HYDIN: variants seen among roughly 807,000 people sequenced by gnomAD.
HYDIN encodes the protein axonemal central pair apparatus protein HYDIN.
A neutral mutation model predicts 403.9 loss-of-function variants in HYDIN; 132 were observed. That is an observed-to-expected ratio of 0.33 (90% CI 0.28 to 0.38). The LOEUF is 0.38. Among genes scored for constraint, HYDIN ranks in the 10% least tolerant of loss-of-function variants. The pLI is 1.00. For synonymous variants in HYDIN, 1,202 were observed against 1,891.7 expected (o/e 0.64, Z 9.46); for missense variants, 2,827 against 5,009.5 (o/e 0.56, Z 13.15).
rs1567900110 is a variant in HYDIN, at chr16:70,955,443, C to T, written c.6248G>A (p.Gly2083Glu). 1.9e-6 allele frequency: 3 copies of T among 1,614,060 alleles called. No individual in the cohort carries two copies. Among genetic ancestry groups the T allele is most frequent in the Non-Finnish European group, 2.5e-6 (3 of 1,179,992 alleles). Residue 2083 changes from glycine to glutamate, a missense_variant, in exon 40 of 86, where the codon GGG (glycine) becomes GAG (glutamate). Transcript: ENST00000393567. ...GATGCAGAGCTCACGGGCCCGGATCCCTGGGATGTTGTTGCTGTTGGCCAC... is the reference window on the plus strand; with the variant it reads ...GATGCAGAGCTCACGGGCCCGGATCTCTGGGATGTTGTTGCTGTTGGCCAC... ...EAVANSNNIP[G>E]IRARELCIRA...
At position 70,850,569 on chromosome 16, in the gene HYDIN, G is replaced by C. The variant is rs570899401; in HGVS notation, c.12530C>G (p.Pro4177Arg). ...LICNVEKKVH[P>R]VTLNVKAEGY... ...CTCGGCCTTGACATTTAATGTCACA[G>C]GGTGGACTTTCTTTTCCACATTGCA... The change falls in exon 74 of 86, where the codon CCT (proline) becomes CGT (arginine). Residue 4177 changes from proline to arginine, a missense_variant. Physicochemically the swap from Pro to Arg is moderately radical, Grantham distance 103 (BLOSUM62 -2). Transcript: ENST00000393567. The C allele has an allele frequency of 1.9e-6, 3 of 1,613,616 alleles. No homozygotes were observed. Among genetic ancestry groups the C allele is most frequent in the African/African-American group, 2.7e-5 (2 of 74,898 alleles).
intron 7 of HYDIN, among the ~76,000 whole-genome samples, chr16:71,150,462 C>G (rs915993841): frequency 6.6e-6 from 1 of 151,882 alleles, no homozygotes; most frequent in Non-Finnish European, 1.5e-5. Flanking sequence ...TAGAGTATTC[C>G]ATATTCCAGA....
At chr16:71,157,210 A>G (rs977927054) in intron 6 of HYDIN, among the ~76,000 whole-genome samples, 9 of 151,664 alleles carry the variant, frequency 5.9e-5, no homozygotes, top group Non-Finnish European at 1.2e-4. Context: ...TGTGATTTAT[A>G]AGAACCTAAG....
At chr16:71,177,359 GAA>G (rs2086710171) in intron 4 of HYDIN, among the ~76,000 whole-genome samples, 1 of 152,210 alleles carries the variant, frequency 6.6e-6, no homozygotes, top group South Asian at 2.1e-4. Context: ...TGAACTGCAT[GAA>G]AAGATAGAGC....
At chr16:71,221,166 G>A (rs543079682) in intron 1 of HYDIN, among the ~76,000 whole-genome samples, 46 of 151,858 alleles carry the variant, frequency 3.0e-4, no homozygotes, top group Non-Finnish European at 5.4e-4. Flanking sequence ...CACTTTCAAC[G>A]TTTGGGTCAA....
chr16:71,191,948 T>C (rs2087456609), intron 1 of HYDIN, among the ~76,000 whole-genome samples: 1 of 152,310 alleles, frequency 6.6e-6, no homozygotes, highest in African/African-American at 2.4e-5. Flanking sequence ...TAACACATAC[T>C]TGTGGACTAC....
At chr16:70,916,482 C>G (rs2076843808) in intron 47 of HYDIN, among the ~76,000 whole-genome samples, 1 of 152,098 alleles carries the variant, frequency 6.6e-6, no homozygotes, top group Non-Finnish European at 1.5e-5. Context: ...TTTGGGCACT[C>G]ACAGTATTTG....
chr16:71,189,898 T>TAA (rs750106766), intron 1 of HYDIN, among the ~76,000 whole-genome samples: 4 of 152,108 alleles, frequency 2.6e-5, no homozygotes, highest in Non-Finnish European at 5.9e-5. Context: ...ATATTAGTAA[T>TAA]AATATTTTTA....
At chr16:71,135,770 G>T (rs2084893718) in intron 8 of HYDIN, among the ~76,000 whole-genome samples, 2 of 150,286 alleles carry the variant, frequency 1.3e-5, no homozygotes, top group African/African-American at 4.9e-5. Context: ...GCCAGAGGAA[G>T]ATTTTAGGCA....
At chr16:70,917,356 T>A (rs1320727780) in intron 47 of HYDIN, among the ~76,000 whole-genome samples, 1 of 152,282 alleles carries the variant, frequency 6.6e-6, no homozygotes, top group Non-Finnish European at 1.5e-5. Context: ...GATTTCCTTC[T>A]TCCTTGTAAA....
intron 1 of HYDIN, among the ~76,000 whole-genome samples, chr16:71,213,394 G>A (rs2088698314): frequency 6.6e-6 from 1 of 152,132 alleles, no homozygotes; most frequent in African/African-American, 2.4e-5. Flanking sequence ...ATTTAAGTCA[G>A]GAGGTGGGTA....
chr16:70,966,894 A>G (rs2143968202), intron 36 of HYDIN, among the ~76,000 whole-genome samples: 1 of 150,812 alleles, frequency 6.6e-6, no homozygotes, highest in East Asian at 2.0e-4. Flanking sequence ...AGACTCCATG[A>G]TGGAAATTAA....
rs1367847713 is a variant in HYDIN at position 71,179,183 on chromosome 16, G to C, written c.262-136C>G. The C allele has an allele frequency of 2.8e-5, 16 of 565,074 alleles. 1 individual carries two copies. The highest frequency in any genetic ancestry group is 2.4e-5 in the Non-Finnish European group (8 of 332,456). The allele number at this position is 565,074 out of a possible 1,614,324, so 35.0% of individuals were successfully genotyped here. A position where few individuals can be genotyped will look rare whatever the true frequency, so the allele number is the denominator to read the frequency against. On this transcript the variant is annotated intron_variant, in intron 3 of 85. Transcript: ENST00000393567. Reference sequence around the variant, plus strand: ...TATTCAAAAAGAAATCCATACCCAAGTACATCATTGTAAAAGCACTAAAAC... The same window carrying C: ...TATTCAAAAAGAAATCCATACCCAACTACATCATTGTAAAAGCACTAAAAC...
chr16:70,841,405 C>T (rs2037810386), intron 75 of HYDIN, among the ~76,000 whole-genome samples: 1 of 152,014 alleles, frequency 6.6e-6, no homozygotes, highest in African/African-American at 2.4e-5. Flanking sequence ...AGCCACAAAC[C>T]GGGCTTTTCT....
chr16:71,161,874 C>G (rs1202338715), intron 6 of HYDIN, among the ~76,000 whole-genome samples: 2 of 151,462 alleles, frequency 1.3e-5, no homozygotes, highest in African/African-American at 4.9e-5. Flanking sequence ...AAGAAAAGAG[C>G]AAACACCGAT....
At position 70,991,426 on chromosome 16, in the gene HYDIN, A is replaced by G. The variant is rs535698034; in HGVS notation, c.3786-30T>C. On this transcript the variant is annotated intron_variant, in intron 24 of 85. Transcript: ENST00000393567. ...GAAGTTTAATGAAATGCAGAGATTC[A>G]CTCATTGGGCTGTCATCGCCACACA... 2.0e-4 allele frequency: 326 copies of G among 1,608,766 alleles called. 3 individuals are homozygous for G. In the South Asian group the frequency reaches 3.3e-3, roughly 16 times the overall value.
Position 70,804,758 on chromosome 16 carries a change from T to C in HYDIN, c.*2822A>G, listed in dbSNP as rs1381970249. 6.6e-6 allele frequency among the ~76,000 whole-genome samples: 1 copy of C among 152,250 alleles called. No individual in the cohort carries two copies. Among genetic ancestry groups the C allele is most frequent in the Non-Finnish European group, 1.5e-5 (1 of 68,044 alleles). On this transcript the variant is annotated 3_prime_UTR_variant, in exon 86 of 86. Transcript: ENST00000393567. ...TGAGGAAGCAGGTCTGAGCGCAGGCTGATCTAGTGATTAATGCTGAGTGTG... is the reference window on the plus strand; with the variant it reads ...TGAGGAAGCAGGTCTGAGCGCAGGCCGATCTAGTGATTAATGCTGAGTGTG...
At chr16:70,897,486 T>G (rs2076238728) in intron 53 of HYDIN, among the ~76,000 whole-genome samples, 1 of 151,472 alleles carries the variant, frequency 6.6e-6, no homozygotes, top group Non-Finnish European at 1.5e-5. Context: ...CGACTTGAGT[T>G]TCGCCTTCTT....
chr16:71,222,208 T>A (rs1445204453), intron 1 of HYDIN, among the ~76,000 whole-genome samples: 1 of 151,944 alleles, frequency 6.6e-6, no homozygotes, highest in Non-Finnish European at 1.5e-5. Flanking sequence ...ATGTGATATA[T>A]CACATAAACA....
Sources: gnomAD v4.1 joint callset for allele counts (sites outside exome capture counted in the v4.1 genomes callset) on GRCh38, gnomAD v4.1.1 for gene constraint, MANE v1.5 for transcripts, NCBI Gene and HGNC (gene_info 2026-07-23, HGNC 2026-07-21) for gene names.